Variants in STXBP4 observed in about 807,000 individuals in gnomAD.
STXBP4 encodes the protein syntaxin binding protein 4, also known as syntaxin-binding protein 4.
In STXBP4, 55 loss-of-function variants were observed where a neutral mutation model predicts 76.1. That is an observed-to-expected ratio of 0.72 (90% CI 0.58 to 0.91). STXBP4 has a LOEUF of 0.91. Among genes scored for constraint, STXBP4 ranks in the 40% least tolerant of loss-of-function variants. The pLI, the probability that STXBP4 is intolerant of heterozygous loss-of-function variation, is 0.00. For missense variants in STXBP4, 618 were observed against 636.9 expected, an observed-to-expected ratio of 0.97 and a Z score of 0.32; for synonymous variants, 201 against 220.2, an observed-to-expected ratio of 0.91 and a Z score of 0.77.
intron 8 of STXBP4, among the ~76,000 whole-genome samples, chr17:55,009,510 CT>C (rs2078068331): frequency 6.6e-6 from 1 of 152,014 alleles, no homozygotes; most frequent in Admixed American, 6.6e-5. Flanking sequence ...GATTAATATT[CT>C]TTGAGGTATG....
intron 16 of STXBP4, among the ~76,000 whole-genome samples, chr17:55,084,483 T>G (rs1179713724): frequency 6.6e-6 from 1 of 151,858 alleles, no homozygotes; most frequent in Non-Finnish European, 1.5e-5. Flanking sequence ...CTCTTTAGTT[T>G]AATTAGATCC....
chr17:55,031,150 G>A lies in STXBP4; in HGVS notation c.667-18G>A, dbSNP rs1377310827. ...GGAGATTTGAAAAATTGCTTTTCAT[G>A]AGTCCTTTATCTTCCAGGCTCTAAA... On this transcript the variant is annotated intron_variant, in intron 8 of 17. Transcript: ENST00000376352. 1 of 1,598,404 alleles carries A rather than the reference G, an allele frequency of 6.3e-7. No individual in the cohort carries two copies. Among genetic ancestry groups the A allele is most frequent in the South Asian group, 1.1e-5 (1 of 89,946 alleles).
At chr17:55,083,061 C>A (rs2079277441) in intron 16 of STXBP4, among the ~76,000 whole-genome samples, 1 of 151,862 alleles carries the variant, frequency 6.6e-6, no homozygotes, top group Admixed American at 6.6e-5. Flanking sequence ...TCCCCGATCC[C>A]CCATCACTCC....
chr17:55,183,422 T>C, the STXBP4 span, among the ~76,000 whole-genome samples: 2 of 151,934 alleles, frequency 1.3e-5, no homozygotes, highest in Non-Finnish European at 2.9e-5. Context: ...CCAGTCTCTA[T>C]AAAAAATAAA....
chr17:54,991,908 A>C (rs947113724), intron 4 of STXBP4: 1 of 151,972 alleles, frequency 6.6e-6, no homozygotes, highest in Non-Finnish European at 1.5e-5. Flanking sequence ...TGGTTAAATA[A>C]ACAGTCCTAC....
intron 7 of STXBP4, among the ~76,000 whole-genome samples, chr17:55,004,958 A>G (rs2077982457): frequency 6.6e-6 from 1 of 152,134 alleles, no homozygotes; most frequent in Admixed American, 6.6e-5. Flanking sequence ...TTTCAGGTAA[A>G]GTTACTCTGA....
At chr17:55,060,474 A>G (rs765691599) in intron 12 of STXBP4, among the ~76,000 whole-genome samples, 14 of 152,122 alleles carry the variant, frequency 9.2e-5, no homozygotes, top group Admixed American at 2.0e-4. Context: ...CCTTTTGAAG[A>G]TCTTGACACC....
intron 11 of STXBP4, 26 bp from the exon 12 acceptor site, chr17:55,047,063 G>A (rs746184646): frequency 7.0e-7 from 1 of 1,434,390 alleles, no homozygotes; most frequent in South Asian, 1.2e-5. Context: ...ATAACAAGTT[G>A]TTAATTTGGT....
chr17:55,195,487 CCTAGA>C, the STXBP4 span, among the ~76,000 whole-genome samples: 1 of 152,132 alleles, frequency 6.6e-6, no homozygotes, highest in East Asian at 1.9e-4. Context: ...CACTCTGTTA[CCTAGA>C]CTAGAGTGCA....
intron 16 of STXBP4, among the ~76,000 whole-genome samples, chr17:55,121,522 A>G (rs1444698617): frequency 1.3e-5 from 2 of 152,180 alleles, no homozygotes; most frequent in African/African-American, 4.8e-5. Context: ...ATACCCTAGA[A>G]TCCCCAGGGT....
At chr17:55,082,005 C>T (rs770747184) in intron 16 of STXBP4, among the ~76,000 whole-genome samples, 17 of 152,126 alleles carry the variant, frequency 1.1e-4, no homozygotes, top group Admixed American at 2.6e-4. Flanking sequence ...TTCTTACGTA[C>T]TCTTTATTTT....
chr17:54,971,075 A>G (rs2077392704), intron 1 of STXBP4, among the ~76,000 whole-genome samples: 1 of 152,222 alleles, frequency 6.6e-6, no homozygotes, highest in Non-Finnish European at 1.5e-5. Flanking sequence ...ACAATTTAAA[A>G]TATTTCTGCA....
intron 17 of STXBP4, among the ~76,000 whole-genome samples, chr17:55,147,636 C>G (rs1466932138): frequency 6.6e-6 from 1 of 152,162 alleles, no homozygotes; most frequent in Non-Finnish European, 1.5e-5. Context: ...CCTCGTATTA[C>G]AAATTCTATT....
chr17:55,035,312 C>A (rs2078579660), intron 10 of STXBP4, among the ~76,000 whole-genome samples: 1 of 151,642 alleles, frequency 6.6e-6, no homozygotes, highest in Admixed American at 6.6e-5. Context: ...TTATACAATT[C>A]TTTTAAATGT....
At chr17:54,977,487 G>A (rs2144301956) in intron 1 of STXBP4, among the ~76,000 whole-genome samples, 1 of 152,258 alleles carries the variant, frequency 6.6e-6, no homozygotes, top group East Asian at 1.9e-4. Flanking sequence ...CATAGGTTAT[G>A]TGCAAATACT....
intron 16 of STXBP4, among the ~76,000 whole-genome samples, chr17:55,128,066 C>A (rs1350022219): frequency 8.5e-5 from 13 of 152,120 alleles, no homozygotes. Flanking sequence ...TTTATAAGTT[C>A]CCCTGGTGAG....
At chr17:55,041,047 C>T (rs1271020468) in intron 10 of STXBP4, among the ~76,000 whole-genome samples, 1 of 152,008 alleles carries the variant, frequency 6.6e-6, no homozygotes, top group Non-Finnish European at 1.5e-5. Context: ...GATTATAAAA[C>T]GTTTTTTTAA....
chr17:55,190,277 A>G, the STXBP4 span, among the ~76,000 whole-genome samples: 2 of 152,194 alleles, frequency 1.3e-5, no homozygotes, highest in Admixed American at 1.3e-4. Flanking sequence ...CTCTCAGGAA[A>G]GATATTCATT....
chr17:55,009,594 C>A (rs1345440074), intron 8 of STXBP4, among the ~76,000 whole-genome samples: 1 of 152,056 alleles, frequency 6.6e-6, no homozygotes, highest in African/African-American at 2.4e-5. Context: ...AGTTTTGGTT[C>A]CCCTTTAAGC....
Sources: allele counts gnomAD v4.1 joint callset (sites outside exome capture counted in the v4.1 genomes callset), GRCh38; gene constraint gnomAD v4.1.1; transcripts MANE v1.5; gene names NCBI Gene and HGNC (gene_info 2026-07-23, HGNC 2026-07-21).